Variants in HS2ST1 observed in about 807,000 individuals in gnomAD.
HS2ST1 encodes the protein 2-O-sulfotransferase.
HS2ST1 carries 18 observed loss-of-function variants against 42.9 expected under a neutral mutation model. That is an observed-to-expected ratio of 0.42 (90% CI 0.29 to 0.62). The LOEUF is 0.62. Ranked by LOEUF, HS2ST1 falls within the 20% of genes least tolerant of loss-of-function variation. HS2ST1 has a pLI of 0.21. For missense variants in HS2ST1, 334 were observed against 433.8 expected, an observed-to-expected ratio of 0.77 and a Z score of 2.04; for synonymous variants, 146 against 152.9, an observed-to-expected ratio of 0.95 and a Z score of 0.33.
At chr1:86,935,918 A>G (rs754856753) in intron 1 of HS2ST1, among the ~76,000 whole-genome samples, 7 of 152,206 alleles carry the variant, frequency 4.6e-5, no homozygotes, top group Admixed American at 6.5e-5. Context: ...TTTCCCCATC[A>G]TGACAGCTTA....
chr1:87,046,182 G>T lies in HS2ST1; in HGVS notation c.125-26752G>T, dbSNP rs560325249. The T allele has an allele frequency of 4.8e-6, 4 of 837,116 alleles. No homozygotes were observed. In the African/African-American group the frequency reaches 6.7e-5, roughly 14 times the overall value. 51.9% of individuals were successfully genotyped at this position (837,116 alleles called of 1,614,324 possible). On this transcript the variant is annotated intron_variant, in intron 1 of 6. Coordinates refer to ENST00000370550, the MANE Select transcript of HS2ST1 (RefSeq NM_012262.4). The stretch of plus-strand genomic sequence containing the variant: ...TGTTAATAGAGTGTGCCTGGCAGCT[G>T]TTGTTCCTCTTATTGAAAGTGGAAC...
At chr1:86,916,568 C>A (rs939821270) in intron 1 of HS2ST1, among the ~76,000 whole-genome samples, 11 of 152,164 alleles carry the variant, frequency 7.2e-5, no homozygotes, top group African/African-American at 2.7e-4. Context: ...TTCCAGCCCT[C>A]AATTCTAGAG....
At chr1:86,982,169 G>T (rs954126288) in intron 1 of HS2ST1, among the ~76,000 whole-genome samples, 1 of 152,184 alleles carries the variant, frequency 6.6e-6, no homozygotes, top group Non-Finnish European at 1.5e-5. Context: ...GGAATGCAGG[G>T]TGCTCTCCTG....
At chr1:87,047,511 T>C (rs1446446569) in intron 1 of HS2ST1, among the ~76,000 whole-genome samples, 2 of 152,180 alleles carry the variant, frequency 1.3e-5, no homozygotes, top group Non-Finnish European at 2.9e-5. Context: ...TTACTAGGAT[T>C]GTTTCTTCTA....
chr1:87,023,452 C>T (rs1363461080), intron 1 of HS2ST1, among the ~76,000 whole-genome samples: 1 of 119,040 alleles, frequency 8.4e-6, no homozygotes, highest in East Asian at 2.7e-4. Flanking sequence ...GTGTAATGTT[C>T]TTCAAGATAT....
At chr1:87,045,458 C>T (rs878909959) in intron 1 of HS2ST1, 47 of 1,139,992 alleles carry the variant, frequency 4.1e-5, no homozygotes, top group East Asian at 7.1e-5. Flanking sequence ...TACCTTGTCT[C>T]GTAAGGTGAG....
rs1490774615 is a variant in HS2ST1 at position 87,092,663 on chromosome 1, C to A, written c.582C>A (p.Asp194Glu). Residue 194 changes from aspartate (D) to glutamate (E), a missense_variant, in exon 4 of 7, where the codon GAC (aspartate) becomes GAA (glutamate). Transcript: ENST00000370550. The stretch of plus-strand genomic sequence containing the variant: ...GGTTACGGAGACGAAAACAAGGAGA[C>A]AAAAAGGTAATATTTTAGTTTTAAG... ...RPGLRRRKQGDKKTFDECVAE... is the reference protein window; with the variant it reads ...RPGLRRRKQGEKKTFDECVAE... The A allele has an allele frequency of 1.3e-6, 2 of 1,521,664 alleles. No individual in the cohort carries two copies. The highest frequency in any genetic ancestry group is 1.8e-6 in the Non-Finnish European group (2 of 1,139,662). 94.3% of individuals were successfully genotyped at this position (1,521,664 alleles called of 1,614,324 possible).
At chr1:86,928,079 A>G (rs1660459028) in intron 1 of HS2ST1, among the ~76,000 whole-genome samples, 1 of 152,086 alleles carries the variant, frequency 6.6e-6, no homozygotes, top group African/African-American at 2.4e-5. Flanking sequence ...TGCGCAGCAT[A>G]AACATTCAAA....
At chr1:86,940,855 GT>G (rs1451532046) in intron 1 of HS2ST1, among the ~76,000 whole-genome samples, 2 of 152,104 alleles carry the variant, frequency 1.3e-5, no homozygotes, top group Non-Finnish European at 2.9e-5. Flanking sequence ...TTTACCATGT[GT>G]GGTGGCATGT....
chr1:86,944,488 G>C (rs1241523320), intron 1 of HS2ST1, among the ~76,000 whole-genome samples: 1 of 152,002 alleles, frequency 6.6e-6, no homozygotes, highest in Non-Finnish European at 1.5e-5. Context: ...CCGAGTAGCT[G>C]GAATTATAGG....
intron 2 of HS2ST1, among the ~76,000 whole-genome samples, chr1:87,075,008 T>C (rs920360298): frequency 1.3e-5 from 2 of 152,122 alleles, no homozygotes; most frequent in African/African-American, 4.8e-5. Flanking sequence ...TACTTCACTT[T>C]TAATCTAGTA....
At position 87,031,990 on chromosome 1, in the gene HS2ST1, G is replaced by A. The variant is rs184744647; in HGVS notation, c.125-40944G>A. On this transcript the variant is annotated intron_variant, in intron 1 of 6. Coordinates refer to ENST00000370550, the MANE Select transcript of HS2ST1 (RefSeq NM_012262.4). ...TTCAGTGCACCATTCTTTCTTTATT[G>A]TTGCAAGAGATAATTGAATTACACA... Among the ~76,000 whole-genome samples, 30 of 152,154 alleles carry A rather than the reference G, an allele frequency of 2.0e-4. No homozygotes were observed. In the East Asian group the frequency reaches 5.4e-3, roughly 27 times the overall value.
intron 2 of HS2ST1, among the ~76,000 whole-genome samples, chr1:87,081,140 C>T (rs1651676163): frequency 6.6e-6 from 1 of 152,198 alleles, no homozygotes; most frequent in Non-Finnish European, 1.5e-5. Context: ...TCTTTCAGCA[C>T]TGGACAGAAC....
At chr1:86,933,881 C>T (rs1245112251) in intron 1 of HS2ST1, among the ~76,000 whole-genome samples, 1 of 152,084 alleles carries the variant, frequency 6.6e-6, no homozygotes, top group Non-Finnish European at 1.5e-5. Flanking sequence ...CTGCTTTTGT[C>T]TCCTTTGTTG....
chr1:86,942,318 C>G (rs1570435750), intron 1 of HS2ST1, among the ~76,000 whole-genome samples: 1 of 152,132 alleles, frequency 6.6e-6, no homozygotes, highest in Non-Finnish European at 1.5e-5. Context: ...AATACTTTGT[C>G]AAATAAGTTA....
intron 1 of HS2ST1, among the ~76,000 whole-genome samples, chr1:87,010,114 C>G (rs1649558625): frequency 6.6e-6 from 1 of 151,376 alleles, no homozygotes; most frequent in African/African-American, 2.4e-5. Context: ...TTTCACATTT[C>G]ATTAGTAAAG....
intron 1 of HS2ST1, among the ~76,000 whole-genome samples, chr1:86,963,730 G>A (rs1471432523): frequency 8.0e-5 from 11 of 138,018 alleles, no homozygotes; most frequent in Admixed American, 1.5e-4. Context: ...CAGAAGGGGC[G>A]GCCAGGCAGA....
intron 1 of HS2ST1, among the ~76,000 whole-genome samples, chr1:86,940,482 T>C (rs889257995): frequency 3.3e-5 from 5 of 152,212 alleles, no homozygotes; most frequent in Non-Finnish European, 7.3e-5. Context: ...AGCTGCATGT[T>C]TAAGAGTTTC....
intron 1 of HS2ST1, among the ~76,000 whole-genome samples, chr1:86,937,402 A>G (rs1660679952): frequency 6.6e-6 from 1 of 152,216 alleles, no homozygotes; most frequent in African/African-American, 2.4e-5. Context: ...GACAATGTAT[A>G]GTTAGCTTTT....
Sources: gnomAD v4.1 joint callset for allele counts (sites outside exome capture counted in the v4.1 genomes callset) on GRCh38, gnomAD v4.1.1 for gene constraint, MANE v1.5 for transcripts, NCBI Gene and HGNC (gene_info 2026-07-23, HGNC 2026-07-21) for gene names.